HDAC9: variants seen among roughly 807,000 people sequenced by gnomAD.
HDAC9 encodes the protein MEF-2 interacting transcription repressor (MITR) protein.
In HDAC9, 41 loss-of-function variants were observed where a neutral mutation model predicts 139.4. The ratio of observed to expected loss-of-function variants is 0.29; its 90% CI spans 0.23 to 0.38. HDAC9 has a LOEUF of 0.38. Among genes scored for constraint, HDAC9 ranks in the 10% least tolerant of loss-of-function variants. The pLI is 1.00. For synonymous variants in HDAC9, 517 were observed against 476.2 expected, an observed-to-expected ratio of 1.09 and a Z score of -1.12; for missense variants, 1,147 against 1,297.0, an observed-to-expected ratio of 0.88 and a Z score of 1.78.
At chr7:18,412,781 G>A (rs1788694092) in intron 1 of HDAC9, among the ~76,000 whole-genome samples, 1 of 152,118 alleles carries the variant, frequency 6.6e-6, no homozygotes, top group South Asian at 2.1e-4. Flanking sequence ...TAAAAATTAT[G>A]TAAAAATTAG....
rs116380302 is a variant in HDAC9, at chr7:18,246,536, C to T, written c.25+84187C>T. On this transcript the variant is annotated intron_variant, in intron 2 of 12. Transcript: ENST00000417496. ...CCCATTCCCACCTTCCTCAGACTCC[C>T]GGAAATTCCTAATCTTCTTTCTACT... 4.5e-3 allele frequency among the ~76,000 whole-genome samples: 687 copies of T among 152,136 alleles called. 5 individuals are homozygous for T. Among genetic ancestry groups the T allele is most frequent in the African/African-American group, 0.016 (644 of 41,504 alleles).
At chr7:18,529,389 G>T (rs1808090891) in intron 2 of HDAC9, among the ~76,000 whole-genome samples, 1 of 152,150 alleles carries the variant, frequency 6.6e-6, no homozygotes, top group Middle Eastern at 3.2e-3. Flanking sequence ...GGGAGGTATT[G>T]TCCCAGAATA....
chr7:18,457,607 C>A (rs972826352), intron 1 of HDAC9, among the ~76,000 whole-genome samples: 7 of 152,160 alleles, frequency 4.6e-5, no homozygotes, highest in Non-Finnish European at 1.0e-4. Flanking sequence ...TTGATCTCTG[C>A]ATATAGGCCA....
rs745703756 is a variant in HDAC9, at chr7:18,870,134, ATAGTT to A, written c.2685-4343_2685-4339del. Among the ~76,000 whole-genome samples, 15 of 152,280 alleles carry A rather than the reference ATAGTT, an allele frequency of 9.9e-5. No homozygotes were observed. The South Asian group carries it at 1.0e-3, about 11-fold the overall frequency. ...TATTAAAAACTTACCTAATCATAGT[ATAGTT>A]ATCAAAATTAACAAAGTAATATGTG... On this transcript the variant is annotated intron_variant, in intron 21 of 25. Transcript: ENST00000686413.
intron 1 of HDAC9, among the ~76,000 whole-genome samples, chr7:18,443,932 A>G (rs753652510): frequency 3.3e-5 from 5 of 151,166 alleles, no homozygotes; most frequent in African/African-American, 4.9e-5. Flanking sequence ...ATATATATGT[A>G]TATATATGTA....
intron 13 of HDAC9, among the ~76,000 whole-genome samples, chr7:18,733,198 CGTGT>C (rs1786533189): frequency 3.4e-5 from 5 of 145,864 alleles, no homozygotes; most frequent in Admixed American, 1.4e-4. Context: ...CATATATACA[CGTGT>C]ATACATGTGT....
At chr7:18,266,774 G>C (rs993217054) in intron 2 of HDAC9, among the ~76,000 whole-genome samples, 1 of 151,984 alleles carries the variant, frequency 6.6e-6, no homozygotes, top group South Asian at 2.1e-4. Flanking sequence ...CTGTACCATC[G>C]GTGCAAATAT....
rs766678532 is a variant in HDAC9, at chr7:18,318,452, C to T, written c.-42+27937C>T. On this transcript the variant is annotated intron_variant, in intron 1 of 3. Coordinates refer to the HDAC9 transcript ENST00000413509. ...CAACGATAACTACAGACAGCAATAA[C>T]TAATGAATAACTTCAGTGATACCTG... Among the ~76,000 whole-genome samples, 39 of 152,126 alleles carry T rather than the reference C, an allele frequency of 2.6e-4. 1 individual carries two copies. Among genetic ancestry groups the T allele is most frequent in the Non-Finnish European group, 8.8e-5 (6 of 68,030 alleles).
chr7:18,979,094 A>C (rs759591282), intron 25 of HDAC9, among the ~76,000 whole-genome samples: 1 of 152,188 alleles, frequency 6.6e-6, no homozygotes, highest in Non-Finnish European at 1.5e-5. Context: ...ACTTTTGGCA[A>C]CCTTTCTCAT....
chr7:18,672,775 G>T (rs1298503349), intron 12 of HDAC9, among the ~76,000 whole-genome samples: 4 of 151,930 alleles, frequency 2.6e-5, no homozygotes, highest in Non-Finnish European at 5.9e-5. Context: ...TATTTTCAAA[G>T]AGATATGAAC....
intron 13 of HDAC9, among the ~76,000 whole-genome samples, chr7:18,732,524 GTA>G (rs1176108458): frequency 7.4e-6 from 1 of 135,450 alleles, no homozygotes; most frequent in African/African-American, 2.8e-5. Flanking sequence ...TACACTGTAT[GTA>G]TGTGTATATA....
intron 13 of HDAC9, among the ~76,000 whole-genome samples, chr7:18,736,486 A>G (rs556256609): frequency 1.3e-5 from 2 of 152,140 alleles, no homozygotes; most frequent in South Asian, 4.1e-4. Context: ...GCATCTATTG[A>G]GATAATGATG....
At chr7:18,496,631 A>G in intron 2 of HDAC9, 1 of 335,934 alleles carries the variant, frequency 3.0e-6, no homozygotes, top group Admixed American at 4.4e-5. Context: ...TAGAAAAAGG[A>G]GCTGTGTACT....
intron 1 of HDAC9, among the ~76,000 whole-genome samples, chr7:18,093,685 A>T (rs543414316): frequency 4.9e-4 from 74 of 152,224 alleles, no homozygotes; most frequent in African/African-American, 1.6e-3. Flanking sequence ...AACATTATGA[A>T]TTCTCATTGC....
chr7:18,529,529 G>A (rs527940308), intron 2 of HDAC9, among the ~76,000 whole-genome samples: 2 of 152,268 alleles, frequency 1.3e-5, no homozygotes, highest in Non-Finnish European at 1.5e-5. Context: ...TAGTGGATTA[G>A]TCCCTAGGGT....
At chr7:18,553,895 G>A (rs182487508) in intron 2 of HDAC9, among the ~76,000 whole-genome samples, 19 of 152,222 alleles carry the variant, frequency 1.2e-4, no homozygotes, top group Admixed American at 2.0e-4. Context: ...GTTAAATGCC[G>A]TCTTTATCCT....
intron 1 of HDAC9, among the ~76,000 whole-genome samples, chr7:18,481,194 T>C (rs1372497657): frequency 6.6e-6 from 1 of 152,184 alleles, no homozygotes; most frequent in Admixed American, 6.5e-5. Context: ...GTAATAATAA[T>C]AATATTATAT....
At chr7:18,780,623 C>T (rs554041821) in intron 16 of HDAC9, among the ~76,000 whole-genome samples, 3 of 152,166 alleles carry the variant, frequency 2.0e-5, no homozygotes, top group Admixed American at 1.3e-4. Context: ...AAGCAGTCAT[C>T]ACTACATCAT....
At chr7:18,196,060 C>T (rs1030667472) in intron 2 of HDAC9, among the ~76,000 whole-genome samples, 12 of 152,080 alleles carry the variant, frequency 7.9e-5, no homozygotes, top group Admixed American at 2.0e-4. Context: ...TACATTCCTC[C>T]ATAATTATTT....
Sources: allele counts gnomAD v4.1 joint callset (sites outside exome capture counted in the v4.1 genomes callset), GRCh38; gene constraint gnomAD v4.1.1; transcripts MANE v1.5; gene names NCBI Gene and HGNC (gene_info 2026-07-23, HGNC 2026-07-21).